NR2F1-AS1: variants seen among roughly 807,000 people sequenced by gnomAD.
The protein encoded by NR2F1-AS1 is NR2F1 antisense RNA 1.
chr5:93,433,241 C>T (rs997766546), intron 4 of NR2F1-AS1, among the ~76,000 whole-genome samples: 3 of 152,130 alleles, frequency 2.0e-5, no homozygotes, highest in African/African-American at 4.8e-5. Context: ...TTTTCTTCTT[C>T]GTTGTTGGGT....
intron 4 of NR2F1-AS1, among the ~76,000 whole-genome samples, chr5:93,446,576 T>C (rs1749713147): frequency 6.6e-6 from 1 of 152,166 alleles, no homozygotes; most frequent in South Asian, 2.1e-4. Flanking sequence ...TGGAAGAACA[T>C]TCCATGCTCA....
chr5:93,474,287 T>G (rs1264272494), intron 4 of NR2F1-AS1, among the ~76,000 whole-genome samples: 1 of 152,214 alleles, frequency 6.6e-6, no homozygotes, highest in African/African-American at 2.4e-5. Flanking sequence ...TCTAATAACA[T>G]GTCAATAACT....
chr5:93,441,990 T>C (rs913549174), intron 4 of NR2F1-AS1, among the ~76,000 whole-genome samples: 29 of 152,148 alleles, frequency 1.9e-4, no homozygotes, highest in African/African-American at 6.8e-4. Flanking sequence ...GAAAGAGTAA[T>C]GACAGTTATA....
At chr5:93,450,535 T>A (rs1027112445) in intron 4 of NR2F1-AS1, among the ~76,000 whole-genome samples, 1 of 152,160 alleles carries the variant, frequency 6.6e-6, no homozygotes, top group African/African-American at 2.4e-5. Context: ...CTTATAACTA[T>A]AGGGCCAGAT....
At chr5:93,507,170 C>A (rs1751202176) in intron 4 of NR2F1-AS1, among the ~76,000 whole-genome samples, 1 of 152,054 alleles carries the variant, frequency 6.6e-6, no homozygotes, top group Admixed American at 6.6e-5. Context: ...AAACTTTTAG[C>A]AAACTAAGAA....
At chr5:93,480,341 G>T (rs560289815) in intron 4 of NR2F1-AS1, among the ~76,000 whole-genome samples, 1 of 152,058 alleles carries the variant, frequency 6.6e-6, no homozygotes, top group Non-Finnish European at 1.5e-5. Context: ...AAACTATGGA[G>T]GTCAAAAGGG....
intron 4 of NR2F1-AS1, among the ~76,000 whole-genome samples, chr5:93,478,354 C>T (rs1418731965): frequency 6.6e-6 from 1 of 152,166 alleles, no homozygotes; most frequent in Non-Finnish European, 1.5e-5. Context: ...ATCAATGCTG[C>T]ACTTGTATAA....
intron 4 of NR2F1-AS1, among the ~76,000 whole-genome samples, chr5:93,550,293 A>G (rs1191748729): frequency 6.6e-6 from 1 of 152,148 alleles, no homozygotes; most frequent in African/African-American, 2.4e-5. Context: ...GACCCCCTTC[A>G]TTCGGTTTAA....
At chr5:93,560,418 T>C (rs938771053) in intron 2 of NR2F1-AS1, among the ~76,000 whole-genome samples, 1 of 152,218 alleles carries the variant, frequency 6.6e-6, no homozygotes, top group Non-Finnish European at 1.5e-5. Flanking sequence ...AAACCTAATC[T>C]TGGAACTAAA....
At chr5:93,521,084 T>C (rs1163700161) in intron 4 of NR2F1-AS1, among the ~76,000 whole-genome samples, 1 of 152,120 alleles carries the variant, frequency 6.6e-6, no homozygotes, top group Non-Finnish European at 1.5e-5. Context: ...GACCATCTGA[T>C]ATTCGACAAA....
intron 4 of NR2F1-AS1, among the ~76,000 whole-genome samples, chr5:93,545,260 T>G (rs1752056190): frequency 6.6e-6 from 1 of 152,162 alleles, no homozygotes; most frequent in South Asian, 2.1e-4. Flanking sequence ...TCAATGAGGG[T>G]TTATACTTCA....
At chr5:93,584,046 C>A (rs1399799885), upstream of NR2F1-AS1, 2 of 152,160 alleles carry the variant, frequency 1.3e-5, no homozygotes, top group African/African-American at 4.8e-5. Context: ...CGGCCCTGGA[C>A]CTGGCCCCCC....
chr5:93,449,868 AACAGTAACTTTTTAAAG>A (rs1749791643), intron 4 of NR2F1-AS1, among the ~76,000 whole-genome samples: 1 of 152,178 alleles, frequency 6.6e-6, no homozygotes, highest in Admixed American at 6.5e-5. Context: ...ACTTAATGGA[AACAGTAACTTTTTAAAG>A]ACCCTATGAC....
intron 4 of NR2F1-AS1, among the ~76,000 whole-genome samples, chr5:93,473,240 C>T (rs1052258686): frequency 6.6e-6 from 1 of 151,826 alleles, no homozygotes; most frequent in African/African-American, 2.4e-5. Flanking sequence ...GATAAATGCA[C>T]TAAAATCTGC....
At chr5:93,543,953 CCA>C (rs892018927) in intron 4 of NR2F1-AS1, 1 of 152,026 alleles carries the variant, frequency 6.6e-6, no homozygotes, top group Admixed American at 6.6e-5. Context: ...ATACAAAGGC[CCA>C]CAGTCTGACA....
At chr5:93,490,445 G>A (rs1322508563) in intron 4 of NR2F1-AS1, among the ~76,000 whole-genome samples, 10 of 151,866 alleles carry the variant, frequency 6.6e-5, no homozygotes. Context: ...GATGATGGGA[G>A]TGGTGGTGGT....
chr5:93,463,494 G>A (rs915596223), intron 4 of NR2F1-AS1, among the ~76,000 whole-genome samples: 1 of 152,206 alleles, frequency 6.6e-6, no homozygotes, highest in African/African-American at 2.4e-5. Flanking sequence ...CCCCACTGGG[G>A]CACTGCCTAG....
intron 4 of NR2F1-AS1, among the ~76,000 whole-genome samples, chr5:93,523,437 A>C (rs539435504): frequency 6.6e-6 from 1 of 152,230 alleles, no homozygotes; most frequent in Admixed American, 6.5e-5. Context: ...GCAGACTTAA[A>C]CATTCCTGCC....
At chr5:93,471,777 T>C (rs963193480) in intron 4 of NR2F1-AS1, among the ~76,000 whole-genome samples, 9 of 151,900 alleles carry the variant, frequency 5.9e-5, no homozygotes, top group Non-Finnish European at 3.0e-5. Context: ...ATCAGCTGGC[T>C]CCTTCTGAAG....
Sources: gnomAD v4.1 joint callset for allele counts (sites outside exome capture counted in the v4.1 genomes callset) on GRCh38, gnomAD v4.1.1 for gene constraint, MANE v1.5 for transcripts, NCBI Gene and HGNC (gene_info 2026-07-23, HGNC 2026-07-21) for gene names.